Variants in PDCD4 observed in about 807,000 individuals in gnomAD.
PDCD4 encodes programmed cell death 4.
Under a neutral mutation model 54.0 loss-of-function variants are expected in PDCD4, and 56 were observed. That is an observed-to-expected ratio of 1.04 (90% confidence interval 0.84 to 1.30). The LOEUF (loss-of-function observed/expected upper bound fraction) is 1.30. Ranked by LOEUF, PDCD4 falls within the 50% of genes most tolerant of loss-of-function variation. The pLI is 0.00. For synonymous variants in PDCD4, 186 were observed against 194.8 expected, an observed-to-expected ratio of 0.95 and a Z score of 0.37; for missense variants, 584 against 559.8, an observed-to-expected ratio of 1.04 and a Z score of -0.44.
At chr10:110,890,219 A>G (rs1289242141) in intron 7 of PDCD4, among the ~76,000 whole-genome samples, 2 of 152,204 alleles carry the variant, frequency 1.3e-5, no homozygotes, top group Non-Finnish European at 2.9e-5. Flanking sequence ...TTCTAGGGCT[A>G]CTTCACATCA....
Position 110,883,042 on chromosome 10 carries a change from A to G in PDCD4, c.386A>G (p.Gln129Arg). The change falls in exon 4 of 12, where the codon CAG becomes CGG. Residue 129 changes from glutamine to arginine, a missense_variant. Coordinates refer to ENST00000280154, the MANE Select transcript of PDCD4 (RefSeq NM_014456.5). ...GGKGVWGTPG[Q>R]VYDVEEVDVK... Reference sequence around the variant, plus strand: ...AAAGGTGTCTGGGGTACACCTGGACAGGTGTATGATGTGGAGGAGGTGGAT... The same window carrying G: ...AAAGGTGTCTGGGGTACACCTGGACGGGTGTATGATGTGGAGGAGGTGGAT... The G allele has an allele frequency of 1.9e-6, 3 of 1,600,798 alleles. No homozygotes were observed. In the South Asian group the frequency reaches 3.4e-5, roughly 18 times the overall value.
chr10:110,898,225 AC>A lies in PDCD4; in HGVS notation c.*138del, dbSNP rs1845879179. Reference sequence around the variant, plus strand: ...GGCATTTCTGACATTTTATAAACCTACATTTAAGGGGAATTTTTAAAGGAAA... The same window carrying A: ...GGCATTTCTGACATTTTATAAACCTAATTTAAGGGGAATTTTTAAAGGAAA... On this transcript the variant is annotated 3_prime_UTR_variant, in exon 12 of 12. Transcript: ENST00000280154. The A allele has an allele frequency of 2.3e-6, 1 of 433,238 alleles. No homozygotes were observed. Among genetic ancestry groups the A allele is most frequent in the African/African-American group, 2.1e-5 (1 of 47,756 alleles). The allele number at this position is 433,238 out of a possible 1,614,324, so 26.8% of individuals were successfully genotyped here. A position where few individuals can be genotyped will look rare whatever the true frequency, so the allele number is the denominator to read the frequency against.
Position 110,890,674 on chromosome 10 carries a change from A to G in PDCD4, c.990+4A>G. ...TGTCAATCACCTTGTTAAAGAGGTA[A>G]TGATTGGGTATTGTTTTTAACTTAA... is the stretch of plus-strand genomic sequence containing the variant. On this transcript the variant is annotated splice_donor_region_variant and intron_variant, in intron 8 of 11. Transcript: ENST00000280154. The G allele has an allele frequency of 1.3e-6, 2 of 1,533,800 alleles. No homozygotes were observed. Among genetic ancestry groups the G allele is most frequent in the Non-Finnish European group, 1.8e-6 (2 of 1,108,702 alleles).
intron 2 of PDCD4, among the ~76,000 whole-genome samples, chr10:110,879,483 G>A (rs1590728360): frequency 6.6e-6 from 1 of 151,950 alleles, no homozygotes; most frequent in East Asian, 2.0e-4. Context: ...TGGCTAACAC[G>A]GTGACCCCAT....
intron 2 of PDCD4, among the ~76,000 whole-genome samples, chr10:110,880,025 T>A (rs1845567192): frequency 6.6e-6 from 1 of 152,224 alleles, no homozygotes. Flanking sequence ...TCAGCTCTGA[T>A]TTGCGTTAAC....
chr10:110,885,439 A>G lies in PDCD4; in HGVS notation c.555+73A>G, dbSNP rs1201310597. On this transcript the variant is annotated intron_variant, in intron 5 of 11. Coordinates refer to ENST00000280154, the MANE Select transcript of PDCD4 (RefSeq NM_014456.5). The stretch of plus-strand genomic sequence containing the variant: ...CATCTTTTATAAGCAAAATACATCT[A>G]CAATGATCTTGGGTCACTGAATAAA... The G allele has an allele frequency of 9.1e-6, 6 of 661,494 alleles. No homozygotes were observed. In the African/African-American group the frequency reaches 9.4e-5, roughly 10 times the overall value. The allele number at this position is 661,494 out of a possible 1,614,324, so 41.0% of individuals were successfully genotyped here.
At chr10:110,877,903 G>T (rs900083196) in intron 2 of PDCD4, among the ~76,000 whole-genome samples, 5 of 152,188 alleles carry the variant, frequency 3.3e-5, no homozygotes, top group Admixed American at 3.3e-4. Context: ...TTGTATATGT[G>T]TGTTAAGTCT....
chr10:110,885,314 T>C lies in PDCD4; in HGVS notation c.503T>C (p.Leu168Ser). 1.2e-6 allele frequency: 2 copies of C among 1,600,566 alleles called. No individual in the cohort carries two copies. Among genetic ancestry groups the C allele is most frequent in the Non-Finnish European group, 1.7e-6 (2 of 1,169,538 alleles). Residue 168 changes from leucine to serine, a missense_variant, in exon 5 of 12, where the codon TTA becomes TCA. Coordinates refer to ENST00000280154, the MANE Select transcript of PDCD4 (RefSeq NM_014456.5). ...PLDERAFEKT[L>S]TPIIQEYFEH... ...GATGAAAGGGCATTTGAGAAGACTTTAACACCAATCATACAGGAATATTTT... is the reference window on the plus strand; with the variant it reads ...GATGAAAGGGCATTTGAGAAGACTTCAACACCAATCATACAGGAATATTTT...
intron 11 of PDCD4, among the ~76,000 whole-genome samples, chr10:110,897,697 T>G (rs1845863605): frequency 6.6e-6 from 1 of 152,232 alleles, no homozygotes. Flanking sequence ...GGCTTACTGT[T>G]AAGCTTACAA....
chr10:110,899,860 G>A lies in PDCD4; in HGVS notation c.*1772G>A, dbSNP rs1348891381. 1 of 152,006 alleles carries A rather than the reference G, an allele frequency of 6.6e-6. No homozygotes were observed. The highest frequency in any genetic ancestry group is 2.4e-5 in the African/African-American group (1 of 41,200). 9.4% of individuals were successfully genotyped at this position (152,006 alleles called of 1,614,324 possible). The stretch of plus-strand genomic sequence containing the variant: ...TTACTGGTGGGATCTGGTCACACAA[G>A]ATAGCATTAAACGTGACATGGCACA... On this transcript the variant is annotated 3_prime_UTR_variant, in exon 12 of 12. Transcript: ENST00000280154.
At position 110,889,615 on chromosome 10, in the gene PDCD4, A is replaced by G. The variant is rs1845725948; in HGVS notation, c.860A>G (p.Asp287Gly). The G allele has an allele frequency of 1.3e-6, 2 of 1,586,088 alleles. No homozygotes were observed. Among genetic ancestry groups the G allele is most frequent in the African/African-American group, 2.7e-5 (2 of 74,308 alleles). ...TYIDSYKGTV[D>G]CVQARAALDK... is the part of the protein sequence containing the mutation. Reference sequence around the variant, plus strand: ...ATTGATAGTTACAAAGGAACTGTAGATTGTGTGCAGGCTAGGTAAGTAAAT... The same window carrying G: ...ATTGATAGTTACAAAGGAACTGTAGGTTGTGTGCAGGCTAGGTAAGTAAAT... Residue 287 changes from aspartate (D) to glycine (G), a missense_variant, in exon 7 of 12, where the codon GAT becomes GGT. Physicochemically the swap from Asp to Gly is moderately conservative, Grantham distance 94. Coordinates refer to ENST00000280154, the MANE Select transcript of PDCD4 (RefSeq NM_014456.5).
At chr10:110,880,643 TACTAATA>T (rs1291572743) in intron 2 of PDCD4, among the ~76,000 whole-genome samples, 1 of 152,220 alleles carries the variant, frequency 6.6e-6, no homozygotes, top group African/African-American at 2.4e-5. Context: ...TCTTTTGGAT[TACTAATA>T]GTTCTTAAGT....
At chr10:110,887,942 G>A in intron 6 of PDCD4, 56 bp downstream of exon 6, 1 of 1,190,000 alleles carries the variant, frequency 8.4e-7, no homozygotes, top group Non-Finnish European at 1.2e-6. Context: ...TCCTAATTGT[G>A]GAAATAATGT....
chr10:110,882,018 C>A (rs1434537304), intron 3 of PDCD4, among the ~76,000 whole-genome samples: 1 of 152,176 alleles, frequency 6.6e-6, no homozygotes, highest in African/African-American at 2.4e-5. Context: ...GTCTGTTTCA[C>A]TGCTGTTTCT....
At chr10:110,896,220 A>G in intron 11 of PDCD4, 133 bp downstream of exon 11, 1 of 665,292 alleles carries the variant, frequency 1.5e-6, no homozygotes, top group Middle Eastern at 3.8e-4. Context: ...TGGAGAAAGA[A>G]GGGCGAAGCT....
intron 11 of PDCD4, among the ~76,000 whole-genome samples, chr10:110,896,937 T>C (rs1456113030): frequency 1.3e-5 from 2 of 152,154 alleles, no homozygotes; most frequent in African/African-American, 4.8e-5. Context: ...GTTTAATAGC[T>C]TTACTAGAAA....
At chr10:110,885,811 G>T (rs1025178420) in intron 5 of PDCD4, among the ~76,000 whole-genome samples, 2 of 151,254 alleles carry the variant, frequency 1.3e-5, no homozygotes, top group African/African-American at 4.9e-5. Flanking sequence ...TTTGTACTTT[G>T]TCCAAAAAAA....
chr10:110,896,994 T>C (rs575232311), intron 11 of PDCD4, among the ~76,000 whole-genome samples: 3 of 152,222 alleles, frequency 2.0e-5, no homozygotes, highest in African/African-American at 7.2e-5. Flanking sequence ...GATTTATGTA[T>C]GGATGTGCCA....
rs144845860 is a variant in PDCD4, at chr10:110,897,748, A to G, written c.1350-280A>G. 1.1e-4 allele frequency among the ~76,000 whole-genome samples: 17 copies of G among 152,224 alleles called. No individual in the cohort carries two copies. In the East Asian group the frequency reaches 3.3e-3, roughly 29 times the overall value. On this transcript the variant is annotated intron_variant, in intron 11 of 11. Transcript: ENST00000280154. Reference sequence around the variant, plus strand: ...TAATTAGAAATAATTTTAAATTTCTAAATAAAATGTTTTAGTTTGAGTCAA... The same window carrying G: ...TAATTAGAAATAATTTTAAATTTCTGAATAAAATGTTTTAGTTTGAGTCAA...
Sources: allele counts gnomAD v4.1 joint callset (sites outside exome capture counted in the v4.1 genomes callset), GRCh38; gene constraint gnomAD v4.1.1; transcripts MANE v1.5; gene names NCBI Gene and HGNC (gene_info 2026-07-23, HGNC 2026-07-21).